The following TNFRSF1B variants were observed in gnomAD, a reference collection of about 807,000 sequenced individuals.
The protein encoded by TNFRSF1B is tumor necrosis factor receptor superfamily member 1B.
A neutral mutation model predicts 44.6 loss-of-function variants in TNFRSF1B; 19 were observed. That is an observed-to-expected ratio of 0.43 (90% CI 0.30 to 0.62). The LOEUF (loss-of-function observed/expected upper bound fraction) is 0.62. TNFRSF1B is among the 20% of genes least tolerant of loss of function. The pLI is 0.16. For missense variants in TNFRSF1B, 541 were observed against 619.9 expected (o/e 0.87, Z 1.35); for synonymous variants, 252 against 261.1 (o/e 0.97, Z 0.34).
At chr1:12,174,779 C>G (rs1638614475) in intron 1 of TNFRSF1B, among the ~76,000 whole-genome samples, 1 of 152,240 alleles carries the variant, frequency 6.6e-6, no homozygotes, top group African/African-American at 2.4e-5. Context: ...GCTGGGAAAA[C>G]AGACAGTGTA....
intron 1 of TNFRSF1B, among the ~76,000 whole-genome samples, chr1:12,174,178 C>T (rs61774889): frequency 0.04 from 2,790 of 69,302 alleles, 12 homozygotes; most frequent in South Asian, 0.05. Flanking sequence ...TTCTCCTTCT[C>T]CTTCTCCTTC....
chr1:12,173,325 T>C (rs887055600), intron 1 of TNFRSF1B, among the ~76,000 whole-genome samples: 4 of 152,166 alleles, frequency 2.6e-5, no homozygotes, highest in African/African-American at 7.2e-5. Context: ...AGCCCAGGAC[T>C]CCCCACTGTC....
rs541359943 is a variant in TNFRSF1B, at chr1:12,174,122, TTTCTTCTTCTTCTTCTTCTTC to T, written c.78+6976_78+6996del. On this transcript the variant is annotated intron_variant, in intron 1 of 9. Transcript: ENST00000376259. ...GCCACTCTGCATCTCTGAGACTCCATTTCTTCTTCTTCTTCTTCTTCTTCTTCTTCTTCTTCTTCTTCTCCT... is the reference window on the plus strand; with the variant it reads ...GCCACTCTGCATCTCTGAGACTCCATTTCTTCTTCTTCTTCTTCTTCTCCT... 4.3e-3 allele frequency among the ~76,000 whole-genome samples: 284 copies of T among 66,720 alleles called. 2 individuals are homozygous for T. The highest frequency in any genetic ancestry group is 8.8e-3 in the African/African-American group (146 of 16,614). The allele number at this position is 66,720 out of a possible 152,430, so 43.8% of individuals were successfully genotyped here. A position where few individuals can be genotyped will look rare whatever the true frequency, so the allele number is the denominator to read the frequency against.
At chr1:12,167,375 C>T (rs1160941486) in intron 1 of TNFRSF1B, 18 of 404,492 alleles carry the variant, frequency 4.5e-5, no homozygotes, top group Non-Finnish European at 6.6e-5. Context: ...CACGTGCGCT[C>T]GGGGCACAAC....
At chr1:12,200,938 A>AT (rs201852144) in intron 8 of TNFRSF1B, among the ~76,000 whole-genome samples, 10 of 150,388 alleles carry the variant, frequency 6.6e-5, no homozygotes, top group South Asian at 2.1e-4. Context: ...ATTCTTAAAC[A>AT]TTTTTTTTTC....
In TNFRSF1B at chr1:12,177,850, C is replaced by T. The variant is rs1037761428; in HGVS notation, c.78+10681C>T. 2.0e-5 allele frequency among the ~76,000 whole-genome samples: 3 copies of T among 151,972 alleles called. No individual in the cohort carries two copies. Among genetic ancestry groups the T allele is most frequent in the Non-Finnish European group, 1.5e-5 (1 of 67,994 alleles). The stretch of plus-strand genomic sequence containing the variant: ...TAGCGGGTGCTTCTTGGGTGCAATG[C>T]GCAAGAGACCGATGCATTAACTACA... On this transcript the variant is annotated intron_variant, in intron 1 of 9. Coordinates refer to ENST00000376259, the MANE Select transcript of TNFRSF1B (RefSeq NM_001066.3). This position sits in a 1 kb window ranked among gnomAD's most constrained non-coding sequence, Gnocchi z 4.3.
Position 12,206,874 on chromosome 1 carries a change from G to A in TNFRSF1B, c.1240G>A (p.Glu414Lys), listed in dbSNP as rs1002434839. 6.2e-7 allele frequency: 1 copy of A among 1,614,216 alleles called. No individual in the cohort carries two copies. The highest frequency in any genetic ancestry group is 8.5e-7 in the Non-Finnish European group (1 of 1,180,030). The change falls in exon 10 of 10, where the codon GAG becomes AAG. Residue 414 changes from glutamate (E) to lysine (K), a missense_variant. Coordinates refer to ENST00000376259, the MANE Select transcript of TNFRSF1B (RefSeq NM_001066.3). ...GGGAGACACAGATTCCAGCCCCTCG[G>A]AGTCCCCGAAGGACGAGCAGGTCCC... ...TMGDTDSSPSESPKDEQVPFS... is the reference protein window; with the variant it reads ...TMGDTDSSPSKSPKDEQVPFS...
chr1:12,189,772 A>G (rs683240), intron 2 of TNFRSF1B, among the ~76,000 whole-genome samples: 31,611 of 152,164 alleles, frequency 0.21, 3,393 homozygotes, highest in South Asian at 0.26. Flanking sequence ...GGGAGACAGA[A>G]CGGGACATAC....
chr1:12,193,091 T>A lies in TNFRSF1B; in HGVS notation c.780T>A (p.Leu260=). ...AAGGGAGCACTGGCGACTTCGCTCT[T>A]CCAGTTGGTAAGTCGCAAGAAGTCT... is the stretch of plus-strand genomic sequence containing the variant. ...PAEGSTGDFA[L]PVGLIVGVTA... is the part of the protein sequence containing the mutation. The change falls in exon 6 of 10, where the codon CTT becomes CTA. Residue 260 remains leucine (L), a synonymous_variant. Coordinates refer to ENST00000376259, the MANE Select transcript of TNFRSF1B (RefSeq NM_001066.3). 1 of 1,613,356 alleles carries A rather than the reference T, an allele frequency of 6.2e-7. No homozygotes were observed. Among genetic ancestry groups the A allele is most frequent in the Non-Finnish European group, 8.5e-7 (1 of 1,179,512 alleles).
At chr1:12,174,020 G>A (rs1311043408) in intron 1 of TNFRSF1B, among the ~76,000 whole-genome samples, 1 of 152,114 alleles carries the variant, frequency 6.6e-6, no homozygotes, top group African/African-American at 2.4e-5. Flanking sequence ...AGTGCGGGGG[G>A]AGGGCTGTTG....
intron 1 of TNFRSF1B, among the ~76,000 whole-genome samples, chr1:12,173,151 T>G (rs1400930654): frequency 6.6e-6 from 1 of 152,168 alleles, no homozygotes; most frequent in Non-Finnish European, 1.5e-5. Flanking sequence ...TGTGCTACCT[T>G]GCTTGGGTTA....
chr1:12,183,731 A>G (rs1557629161), intron 1 of TNFRSF1B, among the ~76,000 whole-genome samples: 1 of 121,120 alleles, frequency 8.3e-6, no homozygotes, highest in Admixed American at 7.8e-5. Context: ...CTATCTATCT[A>G]TCTATCTATC....
In TNFRSF1B at chr1:12,207,141, A is replaced by G. The variant is rs902223162; in HGVS notation, c.*121A>G. On this transcript the variant is annotated 3_prime_UTR_variant, in exon 10 of 10. Transcript: ENST00000376259. ...AGGACTCTGAGGCTCTTTCTGGGCC[A>G]AGTTCCTCTAGTGCCCTCCACAGCC... The G allele has an allele frequency of 1.7e-5, 19 of 1,121,736 alleles. No individual in the cohort carries two copies. In the African/African-American group the frequency reaches 2.5e-4, roughly 15 times the overall value. 69.5% of individuals were successfully genotyped at this position (1,121,736 alleles called of 1,614,324 possible). A position where few individuals can be genotyped will look rare whatever the true frequency, so the allele number is the denominator to read the frequency against.
rs1639221241 is a variant in TNFRSF1B, at chr1:12,194,456, G to A, written c.866-128G>A. ...GTGGGGGCTTCTGTGGACCTTGTCT[G>A]GTAGGCGATTGGTCCCCACAGGGCT... On this transcript the variant is annotated intron_variant, in intron 7 of 9. Transcript: ENST00000376259. The A allele has an allele frequency of 3.3e-6, 3 of 913,718 alleles. No individual in the cohort carries two copies. The African/African-American group carries it at 5.0e-5, about 15-fold the overall frequency. The allele number at this position is 913,718 out of a possible 1,614,324, so 56.6% of individuals were successfully genotyped here.
intron 2 of TNFRSF1B, among the ~76,000 whole-genome samples, chr1:12,189,378 G>T (rs1025220913): frequency 6.6e-6 from 1 of 152,182 alleles, no homozygotes; most frequent in Non-Finnish European, 1.5e-5. Context: ...GCTCCTCTAG[G>T]GCAGAGATTG....
rs772968093 is a variant in TNFRSF1B at position 12,193,001 on chromosome 1, T to C, written c.690T>C (p.Thr230=). 1 of 1,614,092 alleles carries C rather than the reference T, an allele frequency of 6.2e-7. No homozygotes were observed. The highest frequency in any genetic ancestry group is 1.7e-5 in the Admixed American group (1 of 60,020). ...VSTRSQHTQP[T]PEPSTAPSTS... is the part of the protein sequence containing the mutation. ...CACGATCCCAACACACGCAGCCAACTCCAGAACCCAGCACTGCTCCAAGCA... is the reference window on the plus strand; with the variant it reads ...CACGATCCCAACACACGCAGCCAACCCCAGAACCCAGCACTGCTCCAAGCA... The change falls in exon 6 of 10, where the codon ACT becomes ACC. Residue 230 remains threonine, a synonymous_variant. Transcript: ENST00000376259.
At chr1:12,174,142 TCTTCTTCTTCTTCTTCTTCTTCTC>T (rs1638584428) in intron 1 of TNFRSF1B, among the ~76,000 whole-genome samples, 1 of 78,784 alleles carries the variant, frequency 1.3e-5, no homozygotes, top group African/African-American at 6.5e-5. Flanking sequence ...TTCTTCTTCT[TCTTCTTCTTCTTCTTCTTCTTCTC>T]CTTCTCCTTC....
intron 9 of TNFRSF1B, 38 bp from the exon 10 acceptor site, chr1:12,206,695 TCCTGGAC>T: frequency 6.6e-7 from 1 of 1,518,106 alleles, no homozygotes; most frequent in Non-Finnish European, 8.9e-7. Context: ...TGGGCCCCAC[TCCTGGAC>T]CCCCGGACTG....
intron 2 of TNFRSF1B, among the ~76,000 whole-genome samples, chr1:12,189,698 A>G (rs576309026): frequency 4.4e-4 from 67 of 152,356 alleles, no homozygotes; most frequent in African/African-American, 1.4e-3. Flanking sequence ...AGACAGATAC[A>G]TTAGGAGATG....
Sources: allele counts gnomAD v4.1 joint callset (sites outside exome capture counted in the v4.1 genomes callset), GRCh38; gene constraint gnomAD v4.1.1; non-coding constraint Gnocchi (gnomAD v3.1); transcripts MANE v1.5; gene names NCBI Gene and HGNC (gene_info 2026-07-23, HGNC 2026-07-21).